The following NRXN3 variants were observed in gnomAD, a reference collection of about 807,000 sequenced individuals.
NRXN3 encodes neurexin III.
In NRXN3, 32 loss-of-function variants were observed where a neutral mutation model predicts 137.6. That is an observed-to-expected ratio of 0.23 (90% CI 0.18 to 0.31). The LOEUF is 0.31. Ranked by LOEUF, NRXN3 falls within the 10% of genes least tolerant of loss-of-function variation. The pLI is 1.00. For missense variants in NRXN3, 1,574 were observed against 2,062.5 expected (o/e 0.76, Z 4.59); for synonymous variants, 798 against 784.5 (o/e 1.02, Z -0.29).
chr14:79,422,669 T>C (rs1438261866), intron 15 of NRXN3, among the ~76,000 whole-genome samples: 1 of 151,456 alleles, frequency 6.6e-6, no homozygotes, highest in Non-Finnish European at 1.5e-5. Context: ...AGATTGAGCA[T>C]GCAATTCTAA....
At chr14:78,856,940 C>G (rs1334148872) in intron 10 of NRXN3, among the ~76,000 whole-genome samples, 3 of 152,110 alleles carry the variant, frequency 2.0e-5, no homozygotes, top group African/African-American at 4.8e-5. Context: ...ACCATGTTGG[C>G]CAGGCTGGCC....
chr14:78,440,933 G>A (rs140677809), intron 4 of NRXN3, among the ~76,000 whole-genome samples: 2 of 152,274 alleles, frequency 1.3e-5, no homozygotes, highest in African/African-American at 4.8e-5. Flanking sequence ...AATTAACTGG[G>A]TCCAACTGTC....
chr14:78,588,468 C>T (rs189674569), intron 4 of NRXN3, among the ~76,000 whole-genome samples: 6 of 152,242 alleles, frequency 3.9e-5, no homozygotes, highest in Admixed American at 3.9e-4. Context: ...TCCACTTCTC[C>T]TGGGCTCCTG....
intron 4 of NRXN3, among the ~76,000 whole-genome samples, chr14:78,561,401 A>G (rs2096784918): frequency 6.6e-6 from 1 of 152,194 alleles, no homozygotes; most frequent in Non-Finnish European, 1.5e-5. Context: ...ACTTTGATAG[A>G]TCTCAGAAAA....
At chr14:78,335,167 T>C (rs2081312763) in intron 4 of NRXN3, among the ~76,000 whole-genome samples, 1 of 152,166 alleles carries the variant, frequency 6.6e-6, no homozygotes, top group Non-Finnish European at 1.5e-5. Flanking sequence ...CAGAAAACAT[T>C]CTCCTGAAGT....
chr14:78,254,906 T>C (rs1354927314), intron 2 of NRXN3, among the ~76,000 whole-genome samples: 1 of 152,142 alleles, frequency 6.6e-6, no homozygotes, highest in African/African-American at 2.4e-5. Context: ...TAGCTGCTCC[T>C]GGAGACAGGC....
At chr14:78,940,206 G>A (rs2099350376) in intron 10 of NRXN3, among the ~76,000 whole-genome samples, 2 of 152,068 alleles carry the variant, frequency 1.3e-5, no homozygotes, top group African/African-American at 2.4e-5. Context: ...ATCTCTATAC[G>A]TGGCAGTTTT....
At chr14:78,178,395 GT>G (rs2059469392) in intron 1 of NRXN3, among the ~76,000 whole-genome samples, 1 of 152,234 alleles carries the variant, frequency 6.6e-6, no homozygotes, top group African/African-American at 2.4e-5. Flanking sequence ...AATGCTGCTG[GT>G]TGTCTTTTGC....
At chr14:78,359,690 T>C (rs930118338) in intron 4 of NRXN3, among the ~76,000 whole-genome samples, 1 of 152,188 alleles carries the variant, frequency 6.6e-6, no homozygotes, top group Non-Finnish European at 1.5e-5. Context: ...CTGCGGTACT[T>C]ACTTTTCAAG....
intron 15 of NRXN3, among the ~76,000 whole-genome samples, chr14:79,466,895 A>G (rs2096433759): frequency 6.6e-6 from 1 of 152,140 alleles, no homozygotes; most frequent in South Asian, 2.1e-4. Flanking sequence ...GTTGAGGAAG[A>G]CCAGAAAGTT....
intron 4 of NRXN3, among the ~76,000 whole-genome samples, chr14:78,368,028 A>G (rs933987776): frequency 6.6e-6 from 1 of 152,236 alleles, no homozygotes; most frequent in Non-Finnish European, 1.5e-5. Flanking sequence ...AGCTGCTCCT[A>G]TCTATTCATT....
intron 15 of NRXN3, among the ~76,000 whole-genome samples, chr14:79,310,073 G>C (rs968708545): frequency 8.0e-6 from 1 of 125,730 alleles, no homozygotes; most frequent in African/African-American, 3.6e-5. Flanking sequence ...TAGGTCTAAC[G>C]TTTAAATCTT....
intron 15 of NRXN3, among the ~76,000 whole-genome samples, chr14:79,381,850 A>G (rs2094479198): frequency 6.6e-6 from 1 of 152,178 alleles, no homozygotes; most frequent in South Asian, 2.1e-4. Flanking sequence ...TGGTTTCTCC[A>G]TGATGATTTT....
intron 19 of NRXN3, among the ~76,000 whole-genome samples, chr14:79,774,971 C>T (rs947700588): frequency 7.9e-5 from 12 of 151,536 alleles, no homozygotes; most frequent in South Asian, 2.1e-4. Context: ...TGTGTGTGTA[C>T]GTATAACAAG....
intron 19 of NRXN3, among the ~76,000 whole-genome samples, chr14:79,758,599 C>A (rs2099028021): frequency 1.3e-5 from 2 of 152,124 alleles, no homozygotes; most frequent in African/African-American, 2.4e-5. Flanking sequence ...CTGGAGGGGA[C>A]AAATATCCAA....
intron 1 of NRXN3, among the ~76,000 whole-genome samples, chr14:78,237,907 T>C (rs2066530515): frequency 6.6e-6 from 1 of 152,196 alleles, no homozygotes; most frequent in Non-Finnish European, 1.5e-5. Context: ...ACCTGGGGAC[T>C]GTGGGATGCC....
At chr14:78,396,876 G>A (rs980114865) in intron 4 of NRXN3, among the ~76,000 whole-genome samples, 1 of 152,138 alleles carries the variant, frequency 6.6e-6, no homozygotes, top group Admixed American at 6.5e-5. Context: ...CTGTCTGTAG[G>A]CTACAAGTCT....
intron 6 of NRXN3, among the ~76,000 whole-genome samples, chr14:78,693,970 ACT>A: frequency 6.6e-6 from 1 of 151,814 alleles, no homozygotes; most frequent in Non-Finnish European, 1.5e-5. Flanking sequence ...AAGATTTCTC[ACT>A]CTCATTTCTT....
intron 17 of NRXN3, among the ~76,000 whole-genome samples, chr14:79,685,839 G>A (rs902654188): frequency 6.6e-6 from 1 of 152,176 alleles, no homozygotes; most frequent in African/African-American, 2.4e-5. Flanking sequence ...TTTAGGATAT[G>A]AAAGAGAAGT....
Sources: allele counts gnomAD v4.1 joint callset (sites outside exome capture counted in the v4.1 genomes callset), GRCh38; gene constraint gnomAD v4.1.1; transcripts MANE v1.5; gene names NCBI Gene and HGNC (gene_info 2026-07-23, HGNC 2026-07-21).